KIAA1328: variants seen among roughly 807,000 people sequenced by gnomAD.
The protein encoded by KIAA1328 is KIAA1328, also known as protein hinderin.
KIAA1328 carries 52 observed loss-of-function variants against 68.1 expected under a neutral mutation model. The observed-to-expected ratio is 0.76, with a 90% CI of 0.61 to 0.96. The LOEUF (loss-of-function observed/expected upper bound fraction) is 0.96. KIAA1328 is among the 40% of genes least tolerant of loss of function. The pLI, the probability that KIAA1328 is intolerant of heterozygous loss-of-function variation, is 0.00. For synonymous variants in KIAA1328, 232 were observed against 239.4 expected (o/e 0.97, Z 0.28); for missense variants, 641 against 677.6 (o/e 0.95, Z 0.60).
downstream of KIAA1328, chr18:37,229,675 C>T (rs977133749): frequency 1.1e-5 from 6 of 550,646 alleles, no homozygotes; most frequent in Non-Finnish European, 1.2e-5. Context: ...GAGATCGAGA[C>T]CATCCTGGCT....
intron 5 of KIAA1328, among the ~76,000 whole-genome samples, chr18:36,953,391 TAGATAG>T (rs1484317873): frequency 7.2e-6 from 1 of 139,000 alleles, no homozygotes; most frequent in African/African-American, 3.1e-5. Context: ...GATAGATAGA[TAGATAG>T]ATAGATAGAT....
chr18:37,022,350 C>T lies in KIAA1328; in HGVS notation c.577-44540C>T, dbSNP rs562415743. 3.3e-5 allele frequency among the ~76,000 whole-genome samples: 5 copies of T among 152,080 alleles called. No homozygotes were observed. In the South Asian group the frequency reaches 8.3e-4, roughly 25 times the overall value. ...TATAATAAGAAAACAGGATTAGAAC[C>T]GTGGTTTAGACCCTAATCACCCACT... On this transcript the variant is annotated intron_variant, in intron 6 of 9. Transcript: ENST00000280020.
At chr18:37,139,665 G>T (rs2058725240) in intron 7 of KIAA1328, among the ~76,000 whole-genome samples, 1 of 152,144 alleles carries the variant, frequency 6.6e-6, no homozygotes, top group Non-Finnish European at 1.5e-5. Flanking sequence ...AAATCTCATT[G>T]TCTCATCCCT....
chr18:37,096,796 G>T (rs1305938291), intron 7 of KIAA1328, among the ~76,000 whole-genome samples: 3 of 152,120 alleles, frequency 2.0e-5, no homozygotes, highest in African/African-American at 4.8e-5. Context: ...TCTCATTGTG[G>T]TTTTGATTTG....
At chr18:36,900,184 T>C (rs1446654343) in intron 5 of KIAA1328, among the ~76,000 whole-genome samples, 1 of 152,004 alleles carries the variant, frequency 6.6e-6, no homozygotes, top group African/African-American at 2.4e-5. Flanking sequence ...ATTAAAATTT[T>C]CTTATTGGTG....
At chr18:37,160,061 T>C in intron 7 of KIAA1328, 139 bp from the exon 8 acceptor site, 1 of 632,336 alleles carries the variant, frequency 1.6e-6, no homozygotes, top group South Asian at 4.3e-5. Flanking sequence ...GAGTAAATTA[T>C]TTAAATTATA....
At chr18:36,897,909 T>G (rs1290616920) in intron 5 of KIAA1328, among the ~76,000 whole-genome samples, 1 of 152,080 alleles carries the variant, frequency 6.6e-6, no homozygotes, top group Non-Finnish European at 1.5e-5. Flanking sequence ...TTTAAAAAAA[T>G]TATATGGAAA....
intron 6 of KIAA1328, among the ~76,000 whole-genome samples, chr18:37,018,166 T>A (rs1392312844): frequency 6.6e-6 from 1 of 152,152 alleles, no homozygotes; most frequent in Admixed American, 6.6e-5. Context: ...GGTAATGAAT[T>A]TCCTTAGTGC....
chr18:37,217,370 C>CA (rs1247139566), intron 9 of KIAA1328, among the ~76,000 whole-genome samples: 1 of 152,140 alleles, frequency 6.6e-6, no homozygotes, highest in Non-Finnish European at 1.5e-5. Flanking sequence ...CTGGTGGTGA[C>CA]AAAATCTCTC....
chr18:36,934,326 A>T (rs2050421840), intron 5 of KIAA1328, among the ~76,000 whole-genome samples: 1 of 151,930 alleles, frequency 6.6e-6, no homozygotes, highest in Admixed American at 6.6e-5. Flanking sequence ...TATTATTATT[A>T]TATTTTCAGT....
chr18:36,981,233 T>C (rs1019945318), intron 6 of KIAA1328, among the ~76,000 whole-genome samples: 1 of 152,082 alleles, frequency 6.6e-6, no homozygotes, highest in Non-Finnish European at 1.5e-5. Context: ...GCTGAGCACC[T>C]CTCCACACTG....
chr18:36,935,641 A>G (rs2050472117), intron 5 of KIAA1328, among the ~76,000 whole-genome samples: 1 of 152,108 alleles, frequency 6.6e-6, no homozygotes, highest in Non-Finnish European at 1.5e-5. Context: ...AGTATTCTTC[A>G]TCATACAGAC....
chr18:37,026,304 G>A (rs538649205), intron 6 of KIAA1328, among the ~76,000 whole-genome samples: 325 of 152,246 alleles, frequency 2.1e-3, no homozygotes, highest in African/African-American at 7.4e-3. Flanking sequence ...ACAAGGAGGA[G>A]CTGGTACCAT....
intron 6 of KIAA1328, among the ~76,000 whole-genome samples, chr18:37,036,221 G>A (rs1453013208): frequency 6.6e-6 from 1 of 152,192 alleles, no homozygotes; most frequent in African/African-American, 2.4e-5. Context: ...GTTGTTTCTG[G>A]AGCATTGAAA....
chr18:37,070,250 T>C (rs2056477901), intron 7 of KIAA1328, among the ~76,000 whole-genome samples: 2 of 152,328 alleles, frequency 1.3e-5, no homozygotes, highest in African/African-American at 4.8e-5. Flanking sequence ...ATGCTCTATC[T>C]TGATATATGT....
At chr18:36,949,037 T>G (rs2051032242) in intron 5 of KIAA1328, among the ~76,000 whole-genome samples, 2 of 152,202 alleles carry the variant, frequency 1.3e-5, no homozygotes, top group Non-Finnish European at 2.9e-5. Context: ...TTTTTGAAAT[T>G]GGAAGTTTTT....
At chr18:36,888,957 C>T (rs1338521116) in intron 5 of KIAA1328, among the ~76,000 whole-genome samples, 2 of 151,994 alleles carry the variant, frequency 1.3e-5, no homozygotes, top group Non-Finnish European at 2.9e-5. Context: ...ATGTATTATA[C>T]CAACATTTAT....
At chr18:37,130,502 C>A (rs949308702) in intron 7 of KIAA1328, among the ~76,000 whole-genome samples, 27 of 152,040 alleles carry the variant, frequency 1.8e-4, no homozygotes, top group Non-Finnish European at 4.4e-5. Context: ...CCTGTAATCC[C>A]AGCTACTCAG....
At chr18:36,847,499 G>A (rs2047068223) in intron 4 of KIAA1328, among the ~76,000 whole-genome samples, 1 of 151,420 alleles carries the variant, frequency 6.6e-6, no homozygotes, top group South Asian at 2.1e-4. Context: ...GGTGACTAAT[G>A]TGATTATTGG....
Sources: allele counts gnomAD v4.1 joint callset (sites outside exome capture counted in the v4.1 genomes callset), GRCh38; gene constraint gnomAD v4.1.1; transcripts MANE v1.5; gene names NCBI Gene and HGNC (gene_info 2026-07-23, HGNC 2026-07-21).